Variants in LAMA2 observed in about 807,000 individuals in gnomAD.
LAMA2 encodes laminin subunit alpha-2.
A neutral mutation model predicts 364.8 loss-of-function variants in LAMA2; 269 were observed. The observed-to-expected ratio is 0.74, with a 90% CI of 0.67 to 0.82. LAMA2 has a LOEUF of 0.82. Among genes scored for constraint, LAMA2 ranks in the 40% least tolerant of loss-of-function variants. The pLI, the probability that LAMA2 is intolerant of heterozygous loss-of-function variation, is 0.00. For missense variants in LAMA2, 3,807 were observed against 3,873.2 expected (o/e 0.98, Z 0.45); for synonymous variants, 1,379 against 1,370.6 (o/e 1.01, Z -0.14).
chr6:128,990,554 A>C (rs1783548917), intron 1 of LAMA2, among the ~76,000 whole-genome samples: 1 of 152,120 alleles, frequency 6.6e-6, no homozygotes, highest in Admixed American at 6.6e-5. Flanking sequence ...CGCCCTATAG[A>C]GTTTTGTGTC....
chr6:129,329,010 CT>C (rs1169844909), intron 29 of LAMA2, among the ~76,000 whole-genome samples: 6 of 152,016 alleles, frequency 3.9e-5, no homozygotes, highest in Admixed American at 3.3e-4. Flanking sequence ...TTTTATGTTT[CT>C]GCTGGCACCC....
chr6:129,086,894 C>T (rs1279013692), intron 3 of LAMA2, among the ~76,000 whole-genome samples: 1 of 152,198 alleles, frequency 6.6e-6, no homozygotes, highest in East Asian at 1.9e-4. Flanking sequence ...AGGATAGAAG[C>T]TGAAAGAATC....
intron 10 of LAMA2, among the ~76,000 whole-genome samples, chr6:129,184,239 A>G (rs1158442872): frequency 1.3e-5 from 2 of 151,922 alleles, no homozygotes; most frequent in Non-Finnish European, 2.9e-5. Context: ...ATTAACTTGT[A>G]GACTTGATTC....
intron 22 of LAMA2, among the ~76,000 whole-genome samples, chr6:129,305,843 G>T: frequency 1.3e-5 from 2 of 148,580 alleles, no homozygotes; most frequent in African/African-American, 2.5e-5. Context: ...TTATTGTCCT[G>T]CCTTCTTTTG....
chr6:129,440,793 T>C (rs1583755883), intron 42 of LAMA2, 23 bp from the exon 43 acceptor site: 1 of 1,612,250 alleles, frequency 6.2e-7, no homozygotes, highest in South Asian at 1.1e-5. Context: ...TGTTTTGTTT[T>C]TCATACCCTC....
chr6:129,270,762 A>G lies in LAMA2; in HGVS notation c.2450+11A>G, dbSNP rs763581536. On this transcript the variant is annotated intron_variant, in intron 17 of 64. Coordinates refer to ENST00000421865, the MANE Select transcript of LAMA2 (RefSeq NM_000426.4). ...TATCCCATCCAATAAGTAAGTAACA[A>G]ACTTACCCCATGAATAAGCTCAGCA... The G allele has an allele frequency of 3.1e-6, 5 of 1,612,538 alleles. No homozygotes were observed. In the East Asian group the frequency reaches 6.7e-5, roughly 22 times the overall value.
chr6:129,034,509 G>T (rs1409913177), intron 1 of LAMA2, among the ~76,000 whole-genome samples: 1 of 151,596 alleles, frequency 6.6e-6, no homozygotes, highest in Non-Finnish European at 1.5e-5. Context: ...GGATACATGT[G>T]TGGGTTTGTG....
chr6:128,991,728 T>A (rs998465429), intron 1 of LAMA2, among the ~76,000 whole-genome samples: 10 of 152,218 alleles, frequency 6.6e-5, no homozygotes, highest in Admixed American at 6.5e-4. Context: ...GAATTATATG[T>A]CTAATTAAAT....
chr6:129,470,976 C>T (rs569177822), intron 51 of LAMA2, among the ~76,000 whole-genome samples: 12 of 151,798 alleles, frequency 7.9e-5, no homozygotes, highest in Admixed American at 1.3e-4. Flanking sequence ...GTTGAGAACA[C>T]TCAATTAGAT....
intron 8 of LAMA2, among the ~76,000 whole-genome samples, chr6:129,155,262 A>T (rs76826747): frequency 0.037 from 5,660 of 152,248 alleles, 219 homozygotes; most frequent in East Asian, 0.15. Context: ...AGGAATAGAA[A>T]GCTTTTTTCA....
intron 12 of LAMA2, among the ~76,000 whole-genome samples, chr6:129,225,771 G>C (rs906093161): frequency 6.6e-6 from 1 of 152,278 alleles, no homozygotes; most frequent in African/African-American, 2.4e-5. Flanking sequence ...GTCAATTTTG[G>C]AATAAGTGTG....
chr6:129,018,501 A>G (rs2114709352), intron 1 of LAMA2, among the ~76,000 whole-genome samples: 1 of 152,042 alleles, frequency 6.6e-6, no homozygotes, highest in Non-Finnish European at 1.5e-5. Context: ...TGTAAGTACA[A>G]AAAAGTTAAA....
intron 3 of LAMA2, among the ~76,000 whole-genome samples, chr6:129,092,268 G>A (rs1444685792): frequency 6.6e-6 from 1 of 152,048 alleles, no homozygotes; most frequent in East Asian, 1.9e-4. Flanking sequence ...AGCGTCACAG[G>A]GGAAGAGCTG....
At chr6:128,950,730 A>G (rs938375358) in intron 1 of LAMA2, among the ~76,000 whole-genome samples, 2 of 152,082 alleles carry the variant, frequency 1.3e-5, no homozygotes, top group African/African-American at 4.8e-5. Flanking sequence ...AGGATTATAT[A>G]TACATGTATA....
chr6:129,457,294 C>T (rs140124103), intron 48 of LAMA2, among the ~76,000 whole-genome samples: 10 of 152,104 alleles, frequency 6.6e-5, no homozygotes, highest in South Asian at 2.1e-4. Context: ...CAAAACCACA[C>T]GCTGAAGTTA....
intron 1 of LAMA2, among the ~76,000 whole-genome samples, chr6:129,012,370 C>A (rs1191387958): frequency 2.6e-5 from 4 of 152,084 alleles, no homozygotes; most frequent in African/African-American, 9.7e-5. Flanking sequence ...CTGTAAATAA[C>A]CCCGAACTCC....
At chr6:128,997,452 A>T (rs1784050537) in intron 1 of LAMA2, among the ~76,000 whole-genome samples, 1 of 152,144 alleles carries the variant, frequency 6.6e-6, no homozygotes, top group South Asian at 2.1e-4. Context: ...GAAGAATAGT[A>T]TTAGTCAAAG....
chr6:129,328,178 G>C (rs78803692), intron 28 of LAMA2, 100 bp from the exon 29 acceptor site: 10 of 1,005,804 alleles, frequency 9.9e-6, no homozygotes, highest in Admixed American at 1.7e-5. Flanking sequence ...TGCCGCAGGT[G>C]GGGGAAGGCC....
At chr6:129,432,651 C>A (rs769156105) in intron 41 of LAMA2, among the ~76,000 whole-genome samples, 2 of 152,144 alleles carry the variant, frequency 1.3e-5, no homozygotes, top group Non-Finnish European at 2.9e-5. Flanking sequence ...CTGTGTTAAA[C>A]CAAAGACTAT....
Sources: gnomAD v4.1 joint callset for allele counts (sites outside exome capture counted in the v4.1 genomes callset) on GRCh38, gnomAD v4.1.1 for gene constraint, MANE v1.5 for transcripts, NCBI Gene and HGNC (gene_info 2026-07-23, HGNC 2026-07-21) for gene names.